Variants in RALYL observed in about 807,000 individuals in gnomAD.
RALYL encodes the protein RALY RNA binding protein like.
Under a neutral mutation model 35.1 loss-of-function variants are expected in RALYL, and 29 were observed. That is an observed-to-expected ratio of 0.83 (90% confidence interval 0.61 to 1.13). RALYL has a LOEUF of 1.13. RALYL is among the 50% of genes most tolerant of loss of function. The pLI, the probability that RALYL is intolerant of heterozygous loss-of-function variation, is 0.00. For synonymous variants in RALYL, 120 were observed against 127.6 expected (o/e 0.94, Z 0.40); for missense variants, 359 against 360.4 (o/e 1.00, Z 0.03).
intron 1 of RALYL, among the ~76,000 whole-genome samples, chr8:84,294,978 T>C (rs75484278): frequency 0.027 from 4,117 of 152,184 alleles, 102 homozygotes; most frequent in Non-Finnish European, 0.031. Flanking sequence ...TTCTCCTGCA[T>C]TGATTGCTGC....
intron 4 of RALYL, among the ~76,000 whole-genome samples, chr8:84,831,543 C>T (rs768790381): frequency 6.6e-6 from 1 of 152,020 alleles, no homozygotes; most frequent in African/African-American, 2.4e-5. Context: ...GTATGTTTAA[C>T]AAATATTTAG....
At chr8:84,810,766 GTTACT>G (rs757268372) in intron 4 of RALYL, among the ~76,000 whole-genome samples, 10 of 152,096 alleles carry the variant, frequency 6.6e-5, no homozygotes, top group Non-Finnish European at 1.3e-4. Flanking sequence ...TTTAACTGCT[GTTACT>G]TTAAAGTTTT....
At chr8:84,709,558 T>C (rs1038595316) in intron 2 of RALYL, among the ~76,000 whole-genome samples, 15 of 152,046 alleles carry the variant, frequency 9.9e-5, no homozygotes, top group African/African-American at 3.6e-4. Context: ...TATATTTTAC[T>C]TTAAAAAAAA....
intron 4 of RALYL, among the ~76,000 whole-genome samples, chr8:84,841,997 T>G (rs1402163930): frequency 2.0e-5 from 3 of 152,154 alleles, no homozygotes; most frequent in Non-Finnish European, 4.4e-5. Context: ...TAGCACTAAA[T>G]GCCCACAAGA....
At chr8:84,777,523 A>C (rs1817114033) in intron 3 of RALYL, among the ~76,000 whole-genome samples, 1 of 152,206 alleles carries the variant, frequency 6.6e-6, no homozygotes. Context: ...GAGAGGATAG[A>C]GTTGCATAAA....
intron 1 of RALYL, among the ~76,000 whole-genome samples, chr8:84,523,509 TTA>T (rs1478469544): frequency 6.6e-6 from 1 of 152,080 alleles, no homozygotes; most frequent in Non-Finnish European, 1.5e-5. Flanking sequence ...TTTTATTTTT[TTA>T]TTTTTTTATT....
At chr8:84,443,662 C>T (rs904150587) in intron 1 of RALYL, among the ~76,000 whole-genome samples, 8 of 152,164 alleles carry the variant, frequency 5.3e-5, no homozygotes, top group South Asian at 4.1e-4. Context: ...GGCATGAGGG[C>T]GCTAAGTGAA....
intron 2 of RALYL, among the ~76,000 whole-genome samples, chr8:84,569,861 T>C (rs971903538): frequency 6.6e-6 from 1 of 151,890 alleles, no homozygotes; most frequent in Non-Finnish European, 1.5e-5. Context: ...TGCCATTCTT[T>C]ATTTTTGACC....
At chr8:84,226,854 T>C (rs1824003349) in intron 1 of RALYL, among the ~76,000 whole-genome samples, 1 of 152,142 alleles carries the variant, frequency 6.6e-6, no homozygotes, top group African/African-American at 2.4e-5. Flanking sequence ...GACAGGATTT[T>C]TGGAGTGTGG....
At chr8:84,777,092 G>A (rs1279617298) in intron 3 of RALYL, among the ~76,000 whole-genome samples, 1 of 152,152 alleles carries the variant, frequency 6.6e-6, no homozygotes, top group African/African-American at 2.4e-5. Flanking sequence ...TCATTCACCT[G>A]TTCATCAGAT....
At chr8:84,622,279 G>T (rs1224035632) in intron 2 of RALYL, among the ~76,000 whole-genome samples, 1 of 152,154 alleles carries the variant, frequency 6.6e-6, no homozygotes, top group Admixed American at 6.5e-5. Flanking sequence ...GTATATTTCA[G>T]CATGAAGGGC....
At chr8:84,372,888 T>TTTTTTTTTTG (rs1856094557) in intron 1 of RALYL, among the ~76,000 whole-genome samples, 3 of 107,584 alleles carry the variant, frequency 2.8e-5, no homozygotes, top group African/African-American at 1.3e-4. Context: ...CAGCATCTGT[T>TTTTTTTTTTG]TTTTTTTTTT....
intron 1 of RALYL, among the ~76,000 whole-genome samples, chr8:84,277,579 A>G (rs1407953666): frequency 6.6e-6 from 1 of 152,236 alleles, no homozygotes; most frequent in Admixed American, 6.5e-5. Context: ...CATCTGAGAC[A>G]AGGCAAGTCC....
At chr8:84,194,297 A>T (rs1393012568) in intron 1 of RALYL, among the ~76,000 whole-genome samples, 2 of 152,220 alleles carry the variant, frequency 1.3e-5, no homozygotes, top group African/African-American at 2.4e-5. Flanking sequence ...ATGTATCAAA[A>T]GTATCAGTGA....
At position 84,579,340 on chromosome 8, in the gene RALYL, G is replaced by A. The variant is rs557629413; in HGVS notation, c.256+49763G>A. ...GGAGCAGGCCCTTTCAAGACTGTGT[G>A]GGCAAGGGGCTTCCTGGATTCCCAA... On this transcript the variant is annotated intron_variant, in intron 2 of 8. Coordinates refer to ENST00000521268, the MANE Select transcript of RALYL (RefSeq NM_173848.7). Among the ~76,000 whole-genome samples, 61 of 152,270 alleles carry A rather than the reference G, an allele frequency of 4.0e-4. 2 individuals are homozygous for A. In the South Asian group the frequency reaches 0.011, roughly 27 times the overall value.
chr8:84,546,844 G>A (rs1336834171), intron 2 of RALYL, among the ~76,000 whole-genome samples: 1 of 152,134 alleles, frequency 6.6e-6, no homozygotes, highest in Non-Finnish European at 1.5e-5. Context: ...AGTAATAATT[G>A]TGCTTTCTTA....
At chr8:84,375,593 C>T (rs1856756711) in intron 1 of RALYL, among the ~76,000 whole-genome samples, 1 of 151,742 alleles carries the variant, frequency 6.6e-6, no homozygotes, top group South Asian at 2.1e-4. Flanking sequence ...TATTTGATCC[C>T]ATTTGTAAGA....
intron 1 of RALYL, among the ~76,000 whole-genome samples, chr8:84,507,922 G>A (rs1036477708): frequency 2.6e-5 from 4 of 152,144 alleles, no homozygotes; most frequent in Admixed American, 6.6e-5. Flanking sequence ...GGAAAATTAA[G>A]TATGTATTTA....
At chr8:84,574,105 T>C (rs1260998806) in intron 2 of RALYL, among the ~76,000 whole-genome samples, 1 of 152,082 alleles carries the variant, frequency 6.6e-6, no homozygotes, top group African/African-American at 2.4e-5. Flanking sequence ...GTTTAGGCTT[T>C]AATCTGACAA....
Sources: allele counts gnomAD v4.1 joint callset (sites outside exome capture counted in the v4.1 genomes callset), GRCh38; gene constraint gnomAD v4.1.1; transcripts MANE v1.5; gene names NCBI Gene and HGNC (gene_info 2026-07-23, HGNC 2026-07-21).